NOX4: variants seen among roughly 807,000 people sequenced by gnomAD.
The protein encoded by NOX4 is NADPH oxidase 4.
Under a neutral mutation model 87.6 loss-of-function variants are expected in NOX4, and 69 were observed. The observed-to-expected ratio is 0.79, with a 90% CI of 0.65 to 0.96. The LOEUF is 0.96. NOX4 is among the 40% of genes least tolerant of loss of function. NOX4 has a pLI of 0.00. For synonymous variants in NOX4, 275 were observed against 238.2 expected (o/e 1.15, Z -1.42); for missense variants, 680 against 681.5 (o/e 1.00, Z 0.02).
intron 11 of NOX4, among the ~76,000 whole-genome samples, chr11:89,373,743 G>T (rs961711236): frequency 6.6e-5 from 10 of 152,028 alleles, no homozygotes; most frequent in African/African-American, 2.4e-4. Flanking sequence ...CGTTAAAATT[G>T]CTAGTGTATT....
the NOX4 span, among the ~76,000 whole-genome samples, chr11:89,586,299 T>C: frequency 6.6e-6 from 1 of 152,208 alleles, no homozygotes; most frequent in Non-Finnish European, 1.5e-5. Flanking sequence ...TCAGAATTTA[T>C]TGAGTACTTA....
At chr11:89,332,917 A>T (rs909048047) in intron 17 of NOX4, among the ~76,000 whole-genome samples, 1 of 151,856 alleles carries the variant, frequency 6.6e-6, no homozygotes, top group African/African-American at 2.4e-5. Context: ...TTCTGAATTT[A>T]AAAAAAGCAA....
intron 12 of NOX4, among the ~76,000 whole-genome samples, chr11:89,365,291 T>G (rs1295355852): frequency 6.6e-6 from 1 of 152,116 alleles, no homozygotes; most frequent in Non-Finnish European, 1.5e-5. Flanking sequence ...GTTTAACACT[T>G]TATTTTAAAA....
At chr11:89,384,516 C>G (rs1940543370) in intron 11 of NOX4, among the ~76,000 whole-genome samples, 1 of 152,152 alleles carries the variant, frequency 6.6e-6, no homozygotes, top group Non-Finnish European at 1.5e-5. Flanking sequence ...ACAACAACTC[C>G]TTTCCTTCCT....
chr11:89,402,657 A>G (rs1218878377), intron 8 of NOX4, 115 bp from the exon 9 acceptor site: 3 of 785,748 alleles, frequency 3.8e-6, no homozygotes, highest in Non-Finnish European at 6.2e-6. Context: ...TTTACACAGC[A>G]TTTATCCAAA....
chr11:89,426,012 T>C (rs576857336), intron 7 of NOX4, among the ~76,000 whole-genome samples: 3 of 152,120 alleles, frequency 2.0e-5, no homozygotes, highest in Non-Finnish European at 4.4e-5. Context: ...CTATAAATAT[T>C]CTGAAAAACT....
At chr11:89,384,883 T>C (rs1374307758) in intron 11 of NOX4, among the ~76,000 whole-genome samples, 1 of 152,192 alleles carries the variant, frequency 6.6e-6, no homozygotes, top group African/African-American at 2.4e-5. Flanking sequence ...ACTGTATCTC[T>C]CTGATCCACC....
At chr11:89,488,902 GT>G (rs1946735098) in intron 2 of NOX4, 5 of 654,122 alleles carry the variant, frequency 7.6e-6, no homozygotes, top group African/African-American at 3.7e-5. Context: ...TTATTTGTTG[GT>G]TTTTCCATTA....
chr11:89,325,696 A>C lies in NOX4; in HGVS notation c.*1060T>G, dbSNP rs1371116334. Reference sequence around the variant, plus strand: ...CTTTCAATGTCTCCATCATAAACCAATGTGTGGCAAAGGAGATAAATCTTA... The same window carrying C: ...CTTTCAATGTCTCCATCATAAACCACTGTGTGGCAAAGGAGATAAATCTTA... On this transcript the variant is annotated 3_prime_UTR_variant, in exon 18 of 18. Coordinates refer to ENST00000263317, the MANE Select transcript of NOX4 (RefSeq NM_016931.5). 6.6e-6 allele frequency: 1 copy of C among 152,096 alleles called. No individual in the cohort carries two copies. Among genetic ancestry groups the C allele is most frequent in the Non-Finnish European group, 1.5e-5 (1 of 68,012 alleles). 9.4% of individuals were successfully genotyped at this position (152,096 alleles called of 1,614,324 possible). A position where few individuals can be genotyped will look rare whatever the true frequency, so the allele number is the denominator to read the frequency against.
At chr11:89,402,046 A>G (rs1164775906) in intron 9 of NOX4, among the ~76,000 whole-genome samples, 1 of 152,064 alleles carries the variant, frequency 6.6e-6, no homozygotes, top group African/African-American at 2.4e-5. Flanking sequence ...ATGATGGGAA[A>G]AAATATTTGT....
intron 2 of NOX4, among the ~76,000 whole-genome samples, chr11:89,475,013 T>A (rs920162044): frequency 1.6e-4 from 22 of 140,390 alleles, no homozygotes; most frequent in Admixed American, 1.4e-3. Flanking sequence ...TGCAGAAATA[T>A]GGGAGTGTTT....
chr11:89,575,901 A>G, the NOX4 span, among the ~76,000 whole-genome samples: 7 of 152,220 alleles, frequency 4.6e-5, no homozygotes, highest in Non-Finnish European at 8.8e-5. Flanking sequence ...TTGTTGTCAC[A>G]GTTCATTAAT....
chr11:89,486,932 T>G (rs1011903169), intron 2 of NOX4, among the ~76,000 whole-genome samples: 1 of 151,968 alleles, frequency 6.6e-6, no homozygotes, highest in Non-Finnish European at 1.5e-5. Context: ...TTTTACAGCC[T>G]GGTTAGTTGG....
In NOX4 at chr11:89,432,836, A is replaced by C. The variant is rs1182961305; in HGVS notation, c.496T>G (p.Cys166Gly). ...ATGAGGAATAGCACCACCACCATGC[A>C]GACCCCTGTCAGGCCAGGAACTATA... The part of the protein sequence containing the change: ...FTTVPGLTGV[C>G]MVVVLFLMIT... Residue 166 changes from cysteine (C) to glycine (G), a missense_variant, in exon 7 of 18, where the codon TGC (cysteine) becomes GGC (glycine). Transcript: ENST00000263317. 2 of 1,611,298 alleles carry C rather than the reference A, an allele frequency of 1.2e-6. No homozygotes were observed. Among genetic ancestry groups the C allele is most frequent in the Non-Finnish European group, 1.7e-6 (2 of 1,178,042 alleles).
intron 12 of NOX4, among the ~76,000 whole-genome samples, chr11:89,369,293 C>A (rs184823280): frequency 6.6e-6 from 1 of 152,100 alleles, no homozygotes; most frequent in Admixed American, 6.6e-5. Context: ...TCCACAGGGG[C>A]TGGGAGGACA....
At chr11:89,423,453 A>G (rs1171803799) in intron 7 of NOX4, among the ~76,000 whole-genome samples, 1 of 152,164 alleles carries the variant, frequency 6.6e-6, no homozygotes, top group Non-Finnish European at 1.5e-5. Context: ...ATAAGCTTGT[A>G]ATGCCACCTT....
rs200995156 is a variant in NOX4 at position 89,326,449 on chromosome 11, T to G, written c.*307A>C. The G allele has an allele frequency of 1.6e-5, 3 of 190,106 alleles. No homozygotes were observed. The East Asian group carries it at 4.2e-4, about 26-fold the overall frequency. The allele number at this position is 190,106 out of a possible 1,614,324, so 11.8% of individuals were successfully genotyped here. A position where few individuals can be genotyped will look rare whatever the true frequency, so the allele number is the denominator to read the frequency against. Reference sequence around the variant, plus strand: ...CAGCCTTAGATTGAGCAAGTTCAGCTCCTCACTAGGGAGTTCTTGAATCCA... The same window carrying G: ...CAGCCTTAGATTGAGCAAGTTCAGCGCCTCACTAGGGAGTTCTTGAATCCA... On this transcript the variant is annotated 3_prime_UTR_variant, in exon 18 of 18. Transcript: ENST00000263317.
At chr11:89,530,344 C>CTTTTT in the NOX4 span, among the ~76,000 whole-genome samples, 2 of 127,826 alleles carry the variant, frequency 1.6e-5, no homozygotes, top group African/African-American at 3.0e-5. Context: ...GATGTCTATT[C>CTTTTT]TTTTTTTTTT....
the NOX4 span, among the ~76,000 whole-genome samples, chr11:89,549,216 C>T: frequency 6.6e-6 from 1 of 152,174 alleles, no homozygotes; most frequent in African/African-American, 2.4e-5. Context: ...AAAAATGTCA[C>T]TGTGTGTTAT....
Sources: gnomAD v4.1 joint callset for allele counts (sites outside exome capture counted in the v4.1 genomes callset) on GRCh38, gnomAD v4.1.1 for gene constraint, MANE v1.5 for transcripts, NCBI Gene and HGNC (gene_info 2026-07-23, HGNC 2026-07-21) for gene names.